APP: variants seen among roughly 807,000 people sequenced by gnomAD.
APP encodes the protein amyloid beta precursor protein, also known as amyloid-beta precursor protein.
APP carries 31 observed loss-of-function variants against 101.4 expected under a neutral mutation model. That is an observed-to-expected ratio of 0.31 (90% confidence interval 0.23 to 0.41). The LOEUF (loss-of-function observed/expected upper bound fraction) is 0.41, where lower values mean the gene tolerates loss of function less well. APP is among the 10% of genes least tolerant of loss of function. The probability of loss-of-function intolerance (pLI) is 1.00; values close to 1 mark genes in which losing one functional copy is unlikely to be tolerated. For synonymous variants in APP, 366 were observed against 364.4 expected (o/e 1.00, Z -0.05); for missense variants, 839 against 1,003.7 (o/e 0.84, Z 2.22).
intron 13 of APP, among the ~76,000 whole-genome samples, chr21:25,940,039 G>A (rs1428939437): frequency 6.6e-6 from 1 of 152,096 alleles, no homozygotes; most frequent in South Asian, 2.1e-4. Context: ...CGTTTAGGCT[G>A]ATGGCTTAAA....
chr21:26,154,811 G>C (rs907211694), intron 1 of APP, among the ~76,000 whole-genome samples: 1 of 152,158 alleles, frequency 6.6e-6, no homozygotes, highest in Non-Finnish European at 1.5e-5. Context: ...AGGTCTTATA[G>C]ATTCTACCTG....
intron 5 of APP, among the ~76,000 whole-genome samples, chr21:26,035,223 T>C (rs1239621088): frequency 6.6e-6 from 1 of 152,142 alleles, no homozygotes; most frequent in Non-Finnish European, 1.5e-5. Context: ...GCCATGATCA[T>C]GCCACTGCAC....
At chr21:26,058,717 C>G (rs2145984777) in intron 3 of APP, among the ~76,000 whole-genome samples, 1 of 152,286 alleles carries the variant, frequency 6.6e-6, no homozygotes, top group Non-Finnish European at 1.5e-5. Flanking sequence ...GGGAGGATCA[C>G]TTGAGCCCAG....
chr21:25,905,606 T>G (rs1405124893), intron 14 of APP, among the ~76,000 whole-genome samples: 1 of 152,198 alleles, frequency 6.6e-6, no homozygotes, highest in Non-Finnish European at 1.5e-5. Context: ...TGAATCAAAT[T>G]TGTCCTTAGT....
In APP at chr21:26,115,374, T is replaced by C. The variant is rs138093880; in HGVS notation, c.58-3228A>G. On this transcript the variant is annotated intron_variant, in intron 1 of 17. Coordinates refer to ENST00000346798, the MANE Select transcript of APP (RefSeq NM_000484.4). ...GTATATGGAAATCAGAGCAATTAGC[T>C]TGGAGATACAAATTGAACCAGAAAC... 3.2e-3 allele frequency among the ~76,000 whole-genome samples: 492 copies of C among 152,324 alleles called. 2 individuals carry two copies. The highest frequency in any genetic ancestry group is 0.01 in the Middle Eastern group (3 of 294).
At chr21:26,096,934 A>G (rs1282500153) in intron 2 of APP, among the ~76,000 whole-genome samples, 1 of 152,192 alleles carries the variant, frequency 6.6e-6, no homozygotes, top group African/African-American at 2.4e-5. Flanking sequence ...GAAACAGACA[A>G]GACTGGATCT....
At chr21:26,091,824 C>A (rs1376856530) in intron 2 of APP, among the ~76,000 whole-genome samples, 2 of 152,122 alleles carry the variant, frequency 1.3e-5, no homozygotes, top group Non-Finnish European at 2.9e-5. Context: ...AGGGGCAACG[C>A]TGTGAGGATT....
intron 1 of APP, among the ~76,000 whole-genome samples, chr21:26,144,676 A>G (rs2063118846): frequency 6.6e-6 from 1 of 152,248 alleles, no homozygotes; most frequent in African/African-American, 2.4e-5. Context: ...TGCAGAAAAT[A>G]TAACAGATCT....
chr21:25,986,882 T>C (rs1438450722), intron 8 of APP, among the ~76,000 whole-genome samples: 4 of 152,212 alleles, frequency 2.6e-5, no homozygotes, highest in African/African-American at 9.7e-5. Flanking sequence ...AAGAAAAAAT[T>C]ACCCTATTTT....
At chr21:26,163,961 C>T (rs2063552758) in intron 1 of APP, among the ~76,000 whole-genome samples, 1 of 152,212 alleles carries the variant, frequency 6.6e-6, no homozygotes, top group South Asian at 2.1e-4. Flanking sequence ...ATTCACTTTA[C>T]TGCAGCTGGG....
intron 3 of APP, among the ~76,000 whole-genome samples, chr21:26,084,967 A>G (rs1314943225): frequency 6.6e-6 from 1 of 152,222 alleles, no homozygotes; most frequent in Non-Finnish European, 1.5e-5. Flanking sequence ...TACTACATAC[A>G]AATACAAAAT....
chr21:26,018,724 T>C (rs534366911), intron 6 of APP, among the ~76,000 whole-genome samples: 1 of 152,338 alleles, frequency 6.6e-6, no homozygotes, highest in South Asian at 2.1e-4. Context: ...TTCTGGGGCA[T>C]TAACAGTTGC....
At chr21:25,885,292 T>C (rs751686103) in intron 17 of APP, among the ~76,000 whole-genome samples, 1 of 152,248 alleles carries the variant, frequency 6.6e-6, no homozygotes, top group African/African-American at 2.4e-5. Context: ...CTCTTCCTCA[T>C]GGCTAAGCTA....
intron 1 of APP, among the ~76,000 whole-genome samples, chr21:26,119,269 A>G (rs1353311320): frequency 6.6e-6 from 1 of 152,182 alleles, no homozygotes; most frequent in East Asian, 1.9e-4. Flanking sequence ...CCATGGCAGT[A>G]CTATTTTGCA....
chr21:26,067,157 A>G (rs2046487136), intron 3 of APP, among the ~76,000 whole-genome samples: 1 of 152,256 alleles, frequency 6.6e-6, no homozygotes, highest in Non-Finnish European at 1.5e-5. Flanking sequence ...GTAAAAAGAA[A>G]CAGGTAAAAT....
At chr21:25,930,194 T>C (rs1447065144) in intron 13 of APP, among the ~76,000 whole-genome samples, 1 of 152,182 alleles carries the variant, frequency 6.6e-6, no homozygotes, top group East Asian at 1.9e-4. Context: ...ACTCATTTTG[T>C]AGTTTCAGTG....
intron 9 of APP, among the ~76,000 whole-genome samples, chr21:25,981,432 C>A (rs987180718): frequency 2.0e-5 from 3 of 152,158 alleles, no homozygotes; most frequent in African/African-American, 7.2e-5. Context: ...CTTTTCCCCC[C>A]ACATTCACTC....
chr21:26,157,096 G>A (rs1236497903), intron 1 of APP, among the ~76,000 whole-genome samples: 1 of 151,998 alleles, frequency 6.6e-6, no homozygotes, highest in Non-Finnish European at 1.5e-5. Context: ...TTGAGACAGA[G>A]TCTGGCTCTG....
Position 25,997,426 on chromosome 21 carries a change from A to C in APP, c.1034-10T>G. On this transcript the variant is annotated splice_polypyrimidine_tract_variant and intron_variant, in intron 7 of 17. Coordinates refer to ENST00000346798, the MANE Select transcript of APP (RefSeq NM_000484.4). ...AGTAAACTTTGGGACACTATGGAAA[A>C]AATAAGAGAACATAACTAAAAACAA... The C allele has an allele frequency of 6.2e-7, 1 of 1,608,502 alleles. No homozygotes were observed.
Sources: gnomAD v4.1 joint callset for allele counts (sites outside exome capture counted in the v4.1 genomes callset) on GRCh38, gnomAD v4.1.1 for gene constraint, MANE v1.5 for transcripts, NCBI Gene and HGNC (gene_info 2026-07-23, HGNC 2026-07-21) for gene names.